Variants in AHR observed in about 807,000 individuals in gnomAD.
AHR encodes aryl hydrocarbon receptor, also known as AH-receptor.
AHR carries 40 observed loss-of-function variants against 86.8 expected under a neutral mutation model. The observed-to-expected ratio is 0.46, with a 90% CI of 0.36 to 0.60. The LOEUF (loss-of-function observed/expected upper bound fraction) is 0.60, where lower values mean the gene tolerates loss of function less well. Ranked by LOEUF, AHR falls within the 20% of genes least tolerant of loss-of-function variation. The pLI, the probability that AHR is intolerant of heterozygous loss-of-function variation, is 0.00. For missense variants in AHR, 1,001 were observed against 1,011.6 expected (o/e 0.99, Z 0.14); for synonymous variants, 398 against 354.9 (o/e 1.12, Z -1.37).
At chr7:17,306,813 A>G (rs1467142904) in intron 1 of AHR, among the ~76,000 whole-genome samples, 1 of 152,176 alleles carries the variant, frequency 6.6e-6, no homozygotes, top group African/African-American at 2.4e-5. Context: ...TCTTCAAGCC[A>G]GTCCTTTCTT....
At chr7:17,306,227 G>T (rs781606863) in intron 1 of AHR, among the ~76,000 whole-genome samples, 2 of 151,992 alleles carry the variant, frequency 1.3e-5, no homozygotes, top group Admixed American at 6.6e-5. Flanking sequence ...AAATATTAGC[G>T]TAATCCAAGT....
chr7:17,324,300 A>C (rs1782205415), intron 3 of AHR, among the ~76,000 whole-genome samples: 2 of 152,190 alleles, frequency 1.3e-5, no homozygotes, highest in Non-Finnish European at 2.9e-5. Context: ...AAGATGACTA[A>C]AAACATTATA....
intron 2 of AHR, among the ~76,000 whole-genome samples, chr7:17,314,412 A>G (rs1367938477): frequency 6.6e-6 from 1 of 152,080 alleles, no homozygotes; most frequent in African/African-American, 2.4e-5. Context: ...TTATGTGATG[A>G]TCTAACATTT....
intron 2 of AHR, among the ~76,000 whole-genome samples, chr7:17,317,376 G>C (rs942046676): frequency 1.3e-5 from 2 of 151,848 alleles, no homozygotes; most frequent in Non-Finnish European, 2.9e-5. Flanking sequence ...AGAAATTTTG[G>C]GCATTGTATG....
intron 6 of AHR, among the ~76,000 whole-genome samples, chr7:17,333,686 G>GTTCACTTATCCCTTTAGAATATA (rs1782324805): frequency 3.3e-5 from 5 of 151,840 alleles, no homozygotes; most frequent in Non-Finnish European, 7.4e-5. Context: ...TAGGAACAAG[G>GTTCACTTATCCCTTTAGAATATA]AGTGGTTCAC....
chr7:17,335,069 G>A (rs888385964), intron 8 of AHR, 73 bp downstream of exon 8: 27 of 1,064,206 alleles, frequency 2.5e-5, no homozygotes, highest in East Asian at 4.8e-5. Flanking sequence ...AAATTCTTAC[G>A]TAATGTAAAG....
chr7:17,320,951 A>G (rs542836786), intron 2 of AHR, among the ~76,000 whole-genome samples: 1 of 152,126 alleles, frequency 6.6e-6, no homozygotes, highest in East Asian at 1.9e-4. Flanking sequence ...TGACACATTC[A>G]CTGATGATTT....
At chr7:17,303,357 T>A (rs1003402506) in intron 1 of AHR, among the ~76,000 whole-genome samples, 6 of 152,082 alleles carry the variant, frequency 3.9e-5, no homozygotes, top group Non-Finnish European at 7.4e-5. Flanking sequence ...CTGACTTGTG[T>A]TCGTACTGTC....
intron 4 of AHR, 83 bp from the exon 5 acceptor site, chr7:17,329,869 T>C: frequency 7.9e-7 from 1 of 1,268,880 alleles, no homozygotes; most frequent in South Asian, 1.5e-5. Flanking sequence ...AAGCACCCAC[T>C]AATCTAAATA....
chr7:17,317,116 G>GTTTTTTTTTTTTTTTTT (rs66779121), intron 2 of AHR, among the ~76,000 whole-genome samples: 1 of 123,678 alleles, frequency 8.1e-6, no homozygotes, highest in Non-Finnish European at 1.6e-5. Context: ...GGAGAATTTT[G>GTTTTTTTTTTTTTTTTT]TTTTTTTTTT....
chr7:17,326,268 T>TA (rs1782229353), intron 3 of AHR, among the ~76,000 whole-genome samples: 1 of 152,176 alleles, frequency 6.6e-6, no homozygotes, highest in Non-Finnish European at 1.5e-5. Flanking sequence ...GTCAAGTTCT[T>TA]AGAAGTATAA....
intron 2 of AHR, 88 bp from the exon 3 acceptor site, chr7:17,322,413 T>A: frequency 1.3e-6 from 1 of 795,944 alleles, no homozygotes; most frequent in Non-Finnish European, 2.0e-6. Flanking sequence ...TATTTCAAAT[T>A]GTCTTTGTTT....
chr7:17,301,506 C>T (rs1235604499), intron 1 of AHR, among the ~76,000 whole-genome samples: 2 of 151,744 alleles, frequency 1.3e-5, no homozygotes, highest in Non-Finnish European at 2.9e-5. Flanking sequence ...ATTTTATTTA[C>T]AGATAAAATA....
chr7:17,320,809 C>A (rs537494876), intron 2 of AHR, among the ~76,000 whole-genome samples: 3 of 152,214 alleles, frequency 2.0e-5, no homozygotes, highest in African/African-American at 7.2e-5. Context: ...TTACCTCAAA[C>A]TGTTTTTTGG....
In AHR at chr7:17,298,920, C is replaced by A. The variant is rs1392090928; in HGVS notation, c.-345C>A. The stretch of plus-strand genomic sequence containing the variant: ...AGGCCAGGATTCTAAATAGACGGCC[C>A]AGGCTCCTCCTCCGCCCGGGCCGCC... On this transcript the variant is annotated 5_prime_UTR_variant, in exon 1 of 11. Transcript: ENST00000242057. 2.1e-5 allele frequency: 9 copies of A among 430,992 alleles called. No individual in the cohort carries two copies. Among genetic ancestry groups the A allele is most frequent in the Non-Finnish European group, 3.2e-5 (8 of 247,196 alleles). 26.7% of individuals were successfully genotyped at this position (430,992 alleles called of 1,614,324 possible).
At chr7:17,299,431 T>G in intron 1 of AHR, 102 bp downstream of exon 1, 1 of 1,343,474 alleles carries the variant, frequency 7.4e-7, no homozygotes, top group South Asian at 1.3e-5. Context: ...GATCCTGGGA[T>G]TAGGTCCATT....
chr7:17,315,114 T>C (rs982545199), intron 2 of AHR, among the ~76,000 whole-genome samples: 1 of 151,960 alleles, frequency 6.6e-6, no homozygotes, highest in African/African-American at 2.4e-5. Context: ...AAAATTTTAA[T>C]TTATGGAACC....
In AHR at chr7:17,343,359, G is replaced by T; in HGVS notation, c.*295G>T. The T allele has an allele frequency of 3.4e-6, 1 of 294,938 alleles. No individual in the cohort carries two copies. Among genetic ancestry groups the T allele is most frequent in the South Asian group, 8.1e-5 (1 of 12,328 alleles). The allele number at this position is 294,938 out of a possible 1,614,324, so 18.3% of individuals were successfully genotyped here. ...CCACAAAATATACAAAACTTTATCA[G>T]GGAAACTAAGATTCTTTTAAATTAG... On this transcript the variant is annotated 3_prime_UTR_variant, in exon 11 of 11. Coordinates refer to ENST00000242057, the MANE Select transcript of AHR (RefSeq NM_001621.5).
In AHR at chr7:17,335,136, C is replaced by T. The variant is rs1782341260; in HGVS notation, c.1018+140C>T. On this transcript the variant is annotated intron_variant, in intron 8 of 10. Coordinates refer to ENST00000242057, the MANE Select transcript of AHR (RefSeq NM_001621.5). ...CTTAGTAACATATCATTATGATTAA[C>T]CAGGGTTACACTCTTTGTTCATTAA... 1.4e-5 allele frequency: 8 copies of T among 556,570 alleles called. No individual in the cohort carries two copies. The East Asian group carries it at 2.0e-4, about 14-fold the overall frequency. 34.5% of individuals were successfully genotyped at this position (556,570 alleles called of 1,614,324 possible).
Sources: allele counts gnomAD v4.1 joint callset (sites outside exome capture counted in the v4.1 genomes callset), GRCh38; gene constraint gnomAD v4.1.1; transcripts MANE v1.5; gene names NCBI Gene and HGNC (gene_info 2026-07-23, HGNC 2026-07-21).